DHX37: variants seen among roughly 807,000 people sequenced by gnomAD.
DHX37 encodes the protein DEAH-box helicase 37, also known as probable ATP-dependent RNA helicase DHX37.
A neutral mutation model predicts 134.3 loss-of-function variants in DHX37; 52 were observed. The observed-to-expected ratio is 0.39, with a 90% confidence interval of 0.31 to 0.49. The LOEUF (loss-of-function observed/expected upper bound fraction) is 0.49. Ranked by LOEUF, DHX37 falls within the 20% of genes least tolerant of loss-of-function variation. The pLI, the probability that DHX37 is intolerant of heterozygous loss-of-function variation, is 0.93. For missense variants in DHX37, 1,344 were observed against 1,580.8 expected (o/e 0.85, Z 2.54); for synonymous variants, 634 against 670.7 (o/e 0.95, Z 0.85).
Position 124,947,228 on chromosome 12 carries a change from T to C in DHX37, c.*574A>G, listed in dbSNP as rs1484181416. 6.6e-6 allele frequency: 1 copy of C among 152,368 alleles called. No homozygotes were observed. The highest frequency in any genetic ancestry group is 6.5e-5 in the Admixed American group (1 of 15,292). The allele number at this position is 152,368 out of a possible 1,614,324, so 9.4% of individuals were successfully genotyped here. On this transcript the variant is annotated 3_prime_UTR_variant, in exon 27 of 27. Coordinates refer to ENST00000308736, the MANE Select transcript of DHX37 (RefSeq NM_032656.4). ...GAGAGCTGACCACAGGCAGATGAGA[T>C]GCCCACTCCCTGTTGCCATAACACA...
chr12:124,951,577 T>G (rs550734281), intron 21 of DHX37, among the ~76,000 whole-genome samples: 1 of 152,210 alleles, frequency 6.6e-6, no homozygotes, highest in Non-Finnish European at 1.5e-5. Flanking sequence ...TAAAACCCAC[T>G]GAATTGAACA....
Position 124,949,922 on chromosome 12 carries a change from C to G in DHX37, c.3290+64G>C, listed in dbSNP as rs181869218. The G allele has an allele frequency of 7.5e-5, 114 of 1,512,454 alleles. No homozygotes were observed. In the African/African-American group the frequency reaches 1.4e-3, roughly 19 times the overall value. 93.7% of individuals were successfully genotyped at this position (1,512,454 alleles called of 1,614,324 possible). A position where few individuals can be genotyped will look rare whatever the true frequency, so the allele number is the denominator to read the frequency against. ...GTGTGGTGCTTTGTCCTGGCAGCCC[C>G]GGGGAGGTCATTCAGGCCTCGGACC... On this transcript the variant is annotated intron_variant, in intron 25 of 26. Transcript: ENST00000308736. This position sits in a 1 kb window ranked among gnomAD's most constrained non-coding sequence, Gnocchi z 4.0.
At position 124,966,785 on chromosome 12, in the gene DHX37, C is replaced by T. The variant is rs201924874; in HGVS notation, c.1590+8G>A. The T allele has an allele frequency of 2.1e-5, 34 of 1,614,220 alleles. 1 individual carries two copies. The East Asian group carries it at 6.7e-4, about 32-fold the overall frequency. On this transcript the variant is annotated splice_region_variant and intron_variant, in intron 12 of 26. Coordinates refer to ENST00000308736, the MANE Select transcript of DHX37 (RefSeq NM_032656.4). Reference sequence around the variant, plus strand: ...CTCTCCAGGAGTCCCTGCCAGCCCCCCACGTACCTCAGCCCGCGCCTTCTT... The same window carrying T: ...CTCTCCAGGAGTCCCTGCCAGCCCCTCACGTACCTCAGCCCGCGCCTTCTT...
In DHX37 at chr12:124,956,698, G is replaced by C. The variant is rs1488590944; in HGVS notation, c.2446C>G (p.Leu816Val). 6.4e-7 allele frequency: 1 copy of C among 1,566,456 alleles called. No individual in the cohort carries two copies. Among genetic ancestry groups the C allele is most frequent in the Non-Finnish European group, 8.7e-7 (1 of 1,149,234 alleles). The change falls in exon 18 of 27, where the codon CTG becomes GTG. Residue 816 changes from leucine (L) to valine (V), a missense_variant. This residue lies in a region of DHX37 where 558 missense variants were observed against 650.0 expected (regional missense o/e 0.86). Transcript: ENST00000308736. ...CAGCCGCCAACCTCGCACCTGTCCA[G>C]CTCCTCAAACAGCTCCCGCACCGTC... Reference protein sequence around the residue: ...SMTVRELFEELDRPAASDEEL... With the variant: ...SMTVRELFEEVDRPAASDEEL...
At position 124,987,987 on chromosome 12, in the gene DHX37, C is replaced by CT. The variant is rs11349687; in HGVS notation, c.106+929dup. ...CTCAACTCCCAGCCTGTCTGTGGAA[C>CT]TTTTTTTTTTTTTTTTTTTTTTTTG... On this transcript the variant is annotated intron_variant, in intron 1 of 26. Transcript: ENST00000308736. Among the ~76,000 whole-genome samples the CT allele has an allele frequency of 6.4e-3, 509 of 79,536 alleles. 2 individuals are homozygous for CT. Among genetic ancestry groups the CT allele is most frequent in the Non-Finnish European group, 8.7e-3 (392 of 45,290 alleles). 52.2% of individuals were successfully genotyped at this position (79,536 alleles called of 152,430 possible).
In DHX37 at chr12:124,959,886, C is replaced by T. The variant is rs549562482; in HGVS notation, c.2157+426G>A. 1.4e-4 allele frequency among the ~76,000 whole-genome samples: 22 copies of T among 152,316 alleles called. No homozygotes were observed. In the South Asian group the frequency reaches 2.7e-3, roughly 19 times the overall value. On this transcript the variant is annotated intron_variant, in intron 16 of 26. Transcript: ENST00000308736. ...ATCAGTTAAATGGGGATCTGAACGC[C>T]CACAGGACAGCACGCAGCGTGGCAC...
At chr12:124,984,375 A>G (rs1048721037) in intron 2 of DHX37, among the ~76,000 whole-genome samples, 4 of 152,178 alleles carry the variant, frequency 2.6e-5, no homozygotes, top group African/African-American at 9.7e-5. Flanking sequence ...TCTATTAAAA[A>G]TAACAAAGTT....
Position 124,965,674 on chromosome 12 carries a change from C to G in DHX37, c.1729G>C (p.Asp577His), listed in dbSNP as rs1954369839. The change falls in exon 13 of 27, where the codon GAT (aspartate) becomes CAT (histidine). Residue 577 changes from aspartate to histidine, a missense_variant. Asp to His is a moderately conservative substitution (Grantham distance 81). Transcript: ENST00000308736. The stretch of plus-strand genomic sequence containing the variant: ...ATCGGTGCTCGGGCCACACCTCCAT[C>G]TTGCCCGCCATCCCCCAGGTCCAGA... Reference protein sequence around the residue: ...LDLDLGDGGQDGGEQPDASLP... With the variant: ...LDLDLGDGGQHGGEQPDASLP... 1 of 1,607,456 alleles carries G rather than the reference C, an allele frequency of 6.2e-7. No homozygotes were observed. Among genetic ancestry groups the G allele is most frequent in the Middle Eastern group, 1.7e-4 (1 of 6,024 alleles).
intron 26 of DHX37, 39 bp from the exon 27 acceptor site, chr12:124,947,926 T>A: frequency 6.2e-7 from 1 of 1,610,860 alleles, no homozygotes; most frequent in Non-Finnish European, 8.5e-7. Context: ...AGGGTGACCC[T>A]GGGCCCAGGG....
At chr12:124,962,195 G>T (rs1954279905) in intron 15 of DHX37, among the ~76,000 whole-genome samples, 1 of 152,094 alleles carries the variant, frequency 6.6e-6, no homozygotes, top group African/African-American at 2.4e-5. Context: ...GCAACAGAGT[G>T]AGACTTTGTC....
chr12:124,967,781 T>C (rs993534592), intron 10 of DHX37, among the ~76,000 whole-genome samples: 5 of 152,238 alleles, frequency 3.3e-5, no homozygotes, highest in African/African-American at 1.2e-4. Context: ...CAAGAGTCTC[T>C]GGCTAGGCTG....
chr12:124,960,203 A>G lies in DHX37; in HGVS notation c.2157+109T>C, dbSNP rs899855572. On this transcript the variant is annotated intron_variant, in intron 16 of 26. Coordinates refer to ENST00000308736, the MANE Select transcript of DHX37 (RefSeq NM_032656.4). ...CCTGCTGATGCACTGTTGTGTAAGC[A>G]GCTGCCGCAGGCCAGGCACCAGCAG... 2.7e-6 allele frequency: 4 copies of G among 1,501,560 alleles called. No individual in the cohort carries two copies. In the African/African-American group the frequency reaches 5.6e-5, roughly 21 times the overall value. The allele number at this position is 1,501,560 out of a possible 1,614,324, so 93.0% of individuals were successfully genotyped here. A position where few individuals can be genotyped will look rare whatever the true frequency, so the allele number is the denominator to read the frequency against.
At position 124,960,307 on chromosome 12, in the gene DHX37, C is replaced by A; in HGVS notation, c.2157+5G>T. 5.6e-6 allele frequency: 9 copies of A among 1,610,790 alleles called. No individual in the cohort carries two copies. The highest frequency in any genetic ancestry group is 6.8e-6 in the Non-Finnish European group (8 of 1,177,642). ...CTGAGAGCGGGGCTGGGGGCAGCAACTGACCTTTTCAACGTTGAGCGCCTT... is the reference window on the plus strand; with the variant it reads ...CTGAGAGCGGGGCTGGGGGCAGCAAATGACCTTTTCAACGTTGAGCGCCTT... On this transcript the variant is annotated splice_donor_5th_base_variant and intron_variant, in intron 16 of 26. Transcript: ENST00000308736.
At chr12:124,971,109 CA>C (rs1257622652) in intron 8 of DHX37, among the ~76,000 whole-genome samples, 192 bp downstream of exon 8, 1 of 152,218 alleles carries the variant, frequency 6.6e-6, no homozygotes, top group Non-Finnish European at 1.5e-5. Flanking sequence ...GGGGATCACA[CA>C]GGGGCTGTTC....
chr12:124,971,878 G>T (rs894862148), intron 7 of DHX37, among the ~76,000 whole-genome samples: 2 of 152,348 alleles, frequency 1.3e-5, no homozygotes, highest in Admixed American at 1.3e-4. Flanking sequence ...GGCTCCCTAG[G>T]AAGCATGGGG....
chr12:124,950,214 C>T lies in DHX37; in HGVS notation c.3151G>A (p.Glu1051Lys), dbSNP rs199842004. ...TCAATCCCCTCTGGAAAATCCACCT[C>T]GATGGCGGGGAGCGGCCAGCCCACG... The part of the protein sequence containing the change: ...YRVGWPLPAI[E>K]VDFPEGIDRY... The change falls in exon 24 of 27, where the codon GAG (glutamate) becomes AAG (lysine). Residue 1051 changes from glutamate (E) to lysine (K), a missense_variant. Glu to Lys is a moderately conservative substitution (Grantham distance 56). This residue lies in a region of DHX37 where 558 missense variants were observed against 650.0 expected (regional missense o/e 0.86). Transcript: ENST00000308736. 123 of 1,613,814 alleles carry T rather than the reference C, an allele frequency of 7.6e-5. No homozygotes were observed. Among genetic ancestry groups the T allele is most frequent in the Non-Finnish European group, 9.4e-5 (111 of 1,180,046 alleles).
rs752655133 is a variant in DHX37, at chr12:124,947,775, T to A, written c.*27A>T. 1 of 1,538,768 alleles carries A rather than the reference T, an allele frequency of 6.5e-7. No homozygotes were observed. The highest frequency in any genetic ancestry group is 1.3e-5 in the South Asian group (1 of 78,542). On this transcript the variant is annotated 3_prime_UTR_variant, in exon 27 of 27. Transcript: ENST00000308736. ...GCCAGCCCTCCAGTCCCCAAACCAGTCCTCGGCCCTGCAGCCAGGTTTCTG... is the reference window on the plus strand; with the variant it reads ...GCCAGCCCTCCAGTCCCCAAACCAGACCTCGGCCCTGCAGCCAGGTTTCTG...
intron 7 of DHX37, among the ~76,000 whole-genome samples, chr12:124,972,005 G>A (rs1954534298): frequency 6.6e-6 from 1 of 152,226 alleles, no homozygotes; most frequent in African/African-American, 2.4e-5. Context: ...GACGCTCAAG[G>A]GCAAGCCCCA....
intron 4 of DHX37, among the ~76,000 whole-genome samples, chr12:124,979,438 C>T (rs553504437): frequency 6.6e-6 from 1 of 152,264 alleles, no homozygotes; most frequent in South Asian, 2.1e-4. Flanking sequence ...TATCCAGCAA[C>T]AGAATACTCA....
Sources: allele counts gnomAD v4.1 joint callset (sites outside exome capture counted in the v4.1 genomes callset), GRCh38; gene constraint gnomAD v4.1.1; regional missense constraint gnomAD v4.1.1; non-coding constraint Gnocchi (gnomAD v3.1); transcripts MANE v1.5; gene names NCBI Gene and HGNC (gene_info 2026-07-23, HGNC 2026-07-21).